The following RANBP10 variants were observed in gnomAD, a reference collection of about 807,000 sequenced individuals.
RANBP10 encodes RAN binding protein 10, also known as ran-binding protein 10.
In RANBP10, 24 loss-of-function variants were observed where a neutral mutation model predicts 72.8. That is an observed-to-expected ratio of 0.33 (90% CI 0.24 to 0.46). The LOEUF is 0.46. Among genes scored for constraint, RANBP10 ranks in the 20% least tolerant of loss-of-function variants. RANBP10 has a pLI of 1.00. For synonymous variants in RANBP10, 310 were observed against 322.3 expected (o/e 0.96, Z 0.41); for missense variants, 679 against 817.5 (o/e 0.83, Z 2.07).
At position 67,727,670 on chromosome 16, in the gene RANBP10, G is replaced by T. The variant is rs1351360450; in HGVS notation, c.1620+81C>A. The T allele has an allele frequency of 5.0e-6, 8 of 1,591,674 alleles. No homozygotes were observed. The Admixed American group carries it at 1.2e-4, about 24-fold the overall frequency. On this transcript the variant is annotated intron_variant, in intron 12 of 13. Coordinates refer to ENST00000317506, the MANE Select transcript of RANBP10 (RefSeq NM_020850.3). ...TGGCTGGAGCCCACTCTTTCCTGCT[G>T]CCCCCTGGACTCTCCCAGAGCCACC...
intron 3 of RANBP10, among the ~76,000 whole-genome samples, chr16:67,751,146 T>C (rs1414796348): frequency 6.6e-6 from 1 of 152,196 alleles, no homozygotes; most frequent in Non-Finnish European, 1.5e-5. Flanking sequence ...TTATGAAAGC[T>C]CATGAAATCA....
At chr16:67,804,835 G>GA (rs1330630133) in intron 2 of RANBP10, among the ~76,000 whole-genome samples, 3 of 152,086 alleles carry the variant, frequency 2.0e-5, no homozygotes, top group Non-Finnish European at 2.9e-5. Context: ...GGCTCCTAAT[G>GA]CTGACTTTAA....
intron 4 of RANBP10, among the ~76,000 whole-genome samples, chr16:67,741,513 C>T (rs533260921): frequency 6.6e-6 from 1 of 152,172 alleles, no homozygotes; most frequent in Non-Finnish European, 1.5e-5. Flanking sequence ...GCCAAACAGA[C>T]ACAGGTCAGG....
chr16:67,805,684 G>A (rs1360836539), intron 1 of RANBP10, 145 bp from the exon 2 acceptor site: 1 of 664,784 alleles, frequency 1.5e-6, no homozygotes. Flanking sequence ...TTAGACAACT[G>A]AATAAACACT....
chr16:67,795,299 G>A lies in RANBP10; in HGVS notation c.347+10129C>T, dbSNP rs144860116. Among the ~76,000 whole-genome samples, 559 of 151,916 alleles carry A rather than the reference G, an allele frequency of 3.7e-3. 6 individuals carry two copies. The highest frequency in any genetic ancestry group is 0.012 in the African/African-American group (515 of 41,420). ...CCACACCTATAATCCCAGCACTTTG[G>A]GAGGCTGAGGTAGGAGGATGACCTA... On this transcript the variant is annotated intron_variant, in intron 2 of 13. Coordinates refer to ENST00000317506, the MANE Select transcript of RANBP10 (RefSeq NM_020850.3).
At chr16:67,778,784 C>CG (rs2054758422) in intron 2 of RANBP10, among the ~76,000 whole-genome samples, 1 of 152,166 alleles carries the variant, frequency 6.6e-6, no homozygotes, top group African/African-American at 2.4e-5. Flanking sequence ...ACTATCGTTA[C>CG]GGAAATGCAA....
intron 2 of RANBP10, among the ~76,000 whole-genome samples, chr16:67,776,777 A>AAAAAAG (rs541469306): frequency 6.6e-6 from 1 of 151,918 alleles, no homozygotes; most frequent in Admixed American, 6.6e-5. Flanking sequence ...GTCTCAAAAA[A>AAAAAAG]AAAAAGAAAA....
Position 67,725,117 on chromosome 16 carries a change from GT to G in RANBP10, c.*1310del, listed in dbSNP as rs879614377. On this transcript the variant is annotated 3_prime_UTR_variant, in exon 14 of 14. Transcript: ENST00000317506. ...CTATCTGAAACAGCTGGTGGGACAT[GT>G]GTAAAGCTGATAGAGTCCCATTCTC... The G allele has an allele frequency of 2.0e-5, 3 of 152,678 alleles. No homozygotes were observed. The highest frequency in any genetic ancestry group is 2.9e-5 in the Non-Finnish European group (2 of 68,070). 9.5% of individuals were successfully genotyped at this position (152,678 alleles called of 1,614,324 possible). A position where few individuals can be genotyped will look rare whatever the true frequency, so the allele number is the denominator to read the frequency against.
intron 1 of RANBP10, 64 bp from the exon 2 acceptor site, chr16:67,805,603 C>A (rs2055371966): frequency 1.5e-6 from 2 of 1,333,230 alleles, no homozygotes; most frequent in Admixed American, 3.9e-5. Context: ...CCTCATTTTT[C>A]TCTGCAACTC....
At chr16:67,794,087 T>A (rs894691372) in intron 2 of RANBP10, among the ~76,000 whole-genome samples, 4 of 152,096 alleles carry the variant, frequency 2.6e-5, no homozygotes, top group African/African-American at 9.7e-5. Context: ...CTCACTATGT[T>A]GTCCAGGCTG....
chr16:67,766,607 C>T (rs891100472), intron 3 of RANBP10, among the ~76,000 whole-genome samples: 1 of 152,162 alleles, frequency 6.6e-6, no homozygotes, highest in Admixed American at 6.6e-5. Context: ...TTCCATTCCA[C>T]CATAATTTTA....
At chr16:67,761,823 G>A (rs973423616) in intron 3 of RANBP10, among the ~76,000 whole-genome samples, 2 of 152,076 alleles carry the variant, frequency 1.3e-5, no homozygotes, top group African/African-American at 2.4e-5. Context: ...TGCCCGCCTC[G>A]GCCTCTCAAA....
In RANBP10 at chr16:67,744,341, C is replaced by T; in HGVS notation, c.515G>A (p.Cys172Tyr). 1 of 1,614,242 alleles carries T rather than the reference C, an allele frequency of 6.2e-7. No homozygotes were observed. Among genetic ancestry groups the T allele is most frequent in the Non-Finnish European group, 8.5e-7 (1 of 1,180,042 alleles). ...TFTTGDVIGC[C>Y]VNLINGTCFY... ...GCAGGTGCCATTGATGAGGTTGACACAGCAGCCGATCACGTCTCCTGTGGT... is the reference window on the plus strand; with the variant it reads ...GCAGGTGCCATTGATGAGGTTGACATAGCAGCCGATCACGTCTCCTGTGGT... Residue 172 changes from cysteine to tyrosine, a missense_variant, in exon 4 of 14, where the codon TGT becomes TAT. Physicochemically the swap from Cys to Tyr is radical, Grantham distance 194. Transcript: ENST00000317506.
chr16:67,784,590 A>G (rs2054874021), intron 2 of RANBP10, among the ~76,000 whole-genome samples: 1 of 152,102 alleles, frequency 6.6e-6, no homozygotes, highest in Admixed American at 6.6e-5. Flanking sequence ...TGGGAGGTGA[A>G]GGTTGCGGTG....
At chr16:67,787,533 C>T (rs2054938422) in intron 2 of RANBP10, among the ~76,000 whole-genome samples, 1 of 152,230 alleles carries the variant, frequency 6.6e-6, no homozygotes, top group Middle Eastern at 3.4e-3. Flanking sequence ...CTTAGGTGAA[C>T]ACCCAAAAGA....
At chr16:67,758,828 C>T (rs2054340346) in intron 3 of RANBP10, among the ~76,000 whole-genome samples, 1 of 145,946 alleles carries the variant, frequency 6.9e-6, no homozygotes, top group Non-Finnish European at 1.5e-5. Flanking sequence ...AGGAGGAATC[C>T]CATGCCCAGA....
intron 4 of RANBP10, among the ~76,000 whole-genome samples, chr16:67,743,063 T>C (rs911130175): frequency 2.0e-5 from 3 of 152,206 alleles, no homozygotes; most frequent in Non-Finnish European, 4.4e-5. Flanking sequence ...GGCTGGGGCA[T>C]CCAGTTGCAG....
Position 67,789,213 on chromosome 16 carries a change from G to A in RANBP10, c.347+16215C>T, listed in dbSNP as rs1006837565. Reference sequence around the variant, plus strand: ...TAGTCTCAGCTAGTCAGGAGGCTGAGGCAGGGGAATAGCTTGAACCTGGGA... The same window carrying A: ...TAGTCTCAGCTAGTCAGGAGGCTGAAGCAGGGGAATAGCTTGAACCTGGGA... On this transcript the variant is annotated intron_variant, in intron 2 of 13. Transcript: ENST00000317506. Among the ~76,000 whole-genome samples, 4 of 150,658 alleles carry A rather than the reference G, an allele frequency of 2.7e-5. No homozygotes were observed. The East Asian group carries it at 7.9e-4, about 30-fold the overall frequency.
In RANBP10 at chr16:67,806,306, G is replaced by T; in HGVS notation, c.231C>A (p.Tyr77Ter). ...GLSQGNLRVH[Y>*]KGHGKNHKDA... ...CCCAGCCTGACGGGCCGATACCTTTGTAGTGGACGCGGAGGTTGCCCTGGG... is the reference window on the plus strand; with the variant it reads ...CCCAGCCTGACGGGCCGATACCTTTTTAGTGGACGCGGAGGTTGCCCTGGG... The change falls in exon 1 of 14, where the codon TAC becomes TAA. Residue 77 changes from tyrosine (Y) to a stop codon, truncating the protein, a stop_gained. Transcript: ENST00000317506. LOFTEE classifies it high-confidence loss of function. 1 of 1,611,490 alleles carries T rather than the reference G, an allele frequency of 6.2e-7. No individual in the cohort carries two copies. The highest frequency in any genetic ancestry group is 8.5e-7 in the Non-Finnish European group (1 of 1,178,774).
Sources: gnomAD v4.1 joint callset for allele counts (sites outside exome capture counted in the v4.1 genomes callset) on GRCh38, gnomAD v4.1.1 for gene constraint, MANE v1.5 for transcripts, NCBI Gene and HGNC (gene_info 2026-07-23, HGNC 2026-07-21) for gene names.